The following CALCR variants were observed in gnomAD, a reference collection of about 807,000 sequenced individuals.
The protein encoded by CALCR is calcitonin receptor.
CALCR carries 47 observed loss-of-function variants against 59.5 expected under a neutral mutation model. The ratio of observed to expected loss-of-function variants is 0.79; its 90% confidence interval spans 0.63 to 1.01. CALCR has a LOEUF of 1.01. Among genes scored for constraint, CALCR ranks in the 50% least tolerant of loss-of-function variants. The pLI is 0.00. For synonymous variants in CALCR, 213 were observed against 211.3 expected, an observed-to-expected ratio of 1.01 and a Z score of -0.07; for missense variants, 566 against 597.1, an observed-to-expected ratio of 0.95 and a Z score of 0.54.
intron 8 of CALCR, among the ~76,000 whole-genome samples, chr7:93,449,768 A>G (rs564666072): frequency 2.6e-5 from 4 of 152,206 alleles, no homozygotes; most frequent in African/African-American, 7.2e-5. Context: ...AGATCAGTAC[A>G]TATCTGCAGC....
intron 2 of CALCR, among the ~76,000 whole-genome samples, chr7:93,495,010 T>C (rs1273158978): frequency 1.3e-5 from 2 of 151,240 alleles, no homozygotes; most frequent in African/African-American, 2.4e-5. Context: ...CTGATTAGTG[T>C]AGGATTTAAA....
chr7:93,562,283 T>C lies in CALCR; in HGVS notation c.-27+12006A>G, dbSNP rs185442895. Among the ~76,000 whole-genome samples the C allele has an allele frequency of 4.6e-5, 7 of 152,240 alleles. No homozygotes were observed. In the East Asian group the frequency reaches 1.3e-3, roughly 29 times the overall value. On this transcript the variant is annotated intron_variant, in intron 2 of 13. Coordinates refer to ENST00000426151, the MANE Select transcript of CALCR (RefSeq NM_001742.4). Reference sequence around the variant, plus strand: ...TGGAGCCTAAATGAGGTAATGCATGTTTGTACATAGCTTGGCATGTATCAA... The same window carrying C: ...TGGAGCCTAAATGAGGTAATGCATGCTTGTACATAGCTTGGCATGTATCAA...
chr7:93,426,926 C>T (rs1235083346), intron 13 of CALCR, among the ~76,000 whole-genome samples: 1 of 152,176 alleles, frequency 6.6e-6, no homozygotes, highest in Non-Finnish European at 1.5e-5. Flanking sequence ...GAAAGGTTGA[C>T]CAAACTTTTT....
At chr7:93,496,359 G>A (rs981533297) in intron 2 of CALCR, among the ~76,000 whole-genome samples, 13 of 151,590 alleles carry the variant, frequency 8.6e-5, no homozygotes, top group African/African-American at 2.9e-4. Flanking sequence ...GATTGACCAT[G>A]AAACACTTTT....
Position 93,427,346 on chromosome 7 carries a change from TTAG to T in CALCR, c.1192-760_1192-758del, listed in dbSNP as rs199517076. Among the ~76,000 whole-genome samples the T allele has an allele frequency of 7.5e-4, 114 of 152,326 alleles. 1 individual carries two copies. The East Asian group carries it at 0.02, about 26-fold the overall frequency. ...TGCTTTTTATAGAAACGAATTCAAT[TTAG>T]TAGTTAAGTTCCTCCTTCCTGTTGT... On this transcript the variant is annotated intron_variant, in intron 13 of 13. Coordinates refer to ENST00000426151, the MANE Select transcript of CALCR (RefSeq NM_001742.4).
At chr7:93,533,879 GGT>G (rs1265848810) in intron 2 of CALCR, among the ~76,000 whole-genome samples, 1 of 151,676 alleles carries the variant, frequency 6.6e-6, no homozygotes, top group Non-Finnish European at 1.5e-5. Context: ...ACTGCTCATG[GGT>G]TTGTTAGCAG....
intron 2 of CALCR, among the ~76,000 whole-genome samples, chr7:93,510,716 T>C (rs764416282): frequency 8.6e-5 from 13 of 151,664 alleles, no homozygotes; most frequent in Non-Finnish European, 1.8e-4. Flanking sequence ...AAATAAAAGT[T>C]TTTTAAAATT....
chr7:93,460,854 T>A lies in CALCR; in HGVS notation c.615A>T (p.Val205=). ...SMIIIIHLVE[V]VPNGELVRRD... is the part of the protein sequence containing the mutation. ...TTCGCACGAGCTCTCCATTGGGTACTACTTCAACCAGGTGGATGATGATAA... is the reference window on the plus strand; with the variant it reads ...TTCGCACGAGCTCTCCATTGGGTACAACTTCAACCAGGTGGATGATGATAA... The change falls in exon 8 of 14, where the codon GTA becomes GTT. Residue 205 remains valine (V), a synonymous_variant. Coordinates refer to ENST00000426151, the MANE Select transcript of CALCR (RefSeq NM_001742.4). 1 of 1,611,520 alleles carries A rather than the reference T, an allele frequency of 6.2e-7. No homozygotes were observed. The highest frequency in any genetic ancestry group is 1.1e-5 in the South Asian group (1 of 90,884).
At chr7:93,502,585 C>T (rs1032115065) in intron 2 of CALCR, among the ~76,000 whole-genome samples, 4 of 152,044 alleles carry the variant, frequency 2.6e-5, no homozygotes, top group Admixed American at 6.6e-5. Flanking sequence ...ATTCTTAAAA[C>T]ATCCAGACCC....
intron 2 of CALCR, among the ~76,000 whole-genome samples, chr7:93,521,463 A>G (rs1801762504): frequency 6.6e-6 from 1 of 152,088 alleles, no homozygotes; most frequent in South Asian, 2.1e-4. Context: ...TCCCAAATAG[A>G]TATTTTTTCC....
rs2116036728 is a variant in CALCR at position 93,508,906 on chromosome 7, A to G, written c.-26-21899T>C. Among the ~76,000 whole-genome samples, 3 of 152,254 alleles carry G rather than the reference A, an allele frequency of 2.0e-5. 1 individual carries two copies. The Middle Eastern group carries it at 0.01, about 518-fold the overall frequency. ...CCTGTAGTAATGTCTCCCTGATTTC[A>G]GAGGAGTAATTTCTGTAGCGCTGTG... is the stretch of plus-strand genomic sequence containing the variant. On this transcript the variant is annotated intron_variant, in intron 2 of 13. Coordinates refer to ENST00000426151, the MANE Select transcript of CALCR (RefSeq NM_001742.4).
chr7:93,504,562 G>A (rs1291540692), intron 2 of CALCR, among the ~76,000 whole-genome samples: 2 of 152,092 alleles, frequency 1.3e-5, no homozygotes, highest in African/African-American at 4.8e-5. Context: ...AATAGTACTC[G>A]TAAATATGTC....
At chr7:93,512,928 T>C (rs549555457) in intron 2 of CALCR, among the ~76,000 whole-genome samples, 1 of 152,328 alleles carries the variant, frequency 6.6e-6, no homozygotes, top group South Asian at 2.1e-4. Flanking sequence ...TTATCGTATT[T>C]AGGAGCTGGC....
intron 5 of CALCR, among the ~76,000 whole-genome samples, chr7:93,474,350 G>A (rs746622405): frequency 6.6e-6 from 1 of 151,510 alleles, no homozygotes; most frequent in African/African-American, 2.4e-5. Context: ...AATTTGGCTG[G>A]ATTGTCTAAA....
At chr7:93,539,935 G>C (rs1789087541) in intron 2 of CALCR, among the ~76,000 whole-genome samples, 1 of 152,182 alleles carries the variant, frequency 6.6e-6, no homozygotes, top group Non-Finnish European at 1.5e-5. Context: ...GCAGTGAAAT[G>C]AAGCAGAGGA....
At chr7:93,533,443 A>G (rs529651355) in intron 2 of CALCR, among the ~76,000 whole-genome samples, 1 of 152,106 alleles carries the variant, frequency 6.6e-6, no homozygotes, top group South Asian at 2.1e-4. Flanking sequence ...CTTTTTACAA[A>G]TTACGCTTCA....
At chr7:93,567,756 T>G (rs1032638789) in intron 2 of CALCR, among the ~76,000 whole-genome samples, 1 of 151,468 alleles carries the variant, frequency 6.6e-6, no homozygotes, top group Non-Finnish European at 1.5e-5. Context: ...TGTGTCCAAG[T>G]GTTCTCATTG....
At chr7:93,517,203 G>A (rs1801667660) in intron 2 of CALCR, among the ~76,000 whole-genome samples, 1 of 150,472 alleles carries the variant, frequency 6.6e-6, no homozygotes, top group Non-Finnish European at 1.5e-5. Flanking sequence ...ACGCTGCCAG[G>A]CACAAAGCCC....
chr7:93,513,853 T>G (rs555223033), intron 2 of CALCR, among the ~76,000 whole-genome samples: 1 of 151,870 alleles, frequency 6.6e-6, no homozygotes, highest in South Asian at 2.1e-4. Context: ...AGATATTTAT[T>G]TCATTTACAA....
Sources: gnomAD v4.1 joint callset for allele counts (sites outside exome capture counted in the v4.1 genomes callset) on GRCh38, gnomAD v4.1.1 for gene constraint, MANE v1.5 for transcripts, NCBI Gene and HGNC (gene_info 2026-07-23, HGNC 2026-07-21) for gene names.